The following DPH6 variants were observed in gnomAD, a reference collection of about 807,000 sequenced individuals.
DPH6 encodes diphthamine biosynthesis 6.
Under a neutral mutation model 38.2 loss-of-function variants are expected in DPH6, and 33 were observed. The ratio of observed to expected loss-of-function variants is 0.86; its 90% CI spans 0.65 to 1.15. DPH6 has a LOEUF of 1.15. DPH6 is among the 50% of genes most tolerant of loss of function. The pLI is 0.00. For missense variants in DPH6, 325 were observed against 320.0 expected, an observed-to-expected ratio of 1.02 and a Z score of -0.12; for synonymous variants, 108 against 103.0, an observed-to-expected ratio of 1.05 and a Z score of -0.30.
chr15:35,535,105 C>T (rs1030054098), intron 3 of DPH6, among the ~76,000 whole-genome samples: 1 of 152,102 alleles, frequency 6.6e-6, no homozygotes, highest in African/African-American at 2.4e-5. Flanking sequence ...TGTCACTACT[C>T]AATAGGAATT....
the DPH6 span, among the ~76,000 whole-genome samples, chr15:35,187,476 T>C: frequency 2.6e-5 from 4 of 152,336 alleles, no homozygotes; most frequent in South Asian, 8.3e-4. Context: ...TAATTGTTTA[T>C]ACGTTGGGGA....
intron 4 of DPH6, among the ~76,000 whole-genome samples, chr15:35,451,257 T>C (rs1012147905): frequency 3.9e-5 from 6 of 152,084 alleles, no homozygotes; most frequent in African/African-American, 1.4e-4. Flanking sequence ...TTTTAAGAAT[T>C]TGAATAAAAA....
At chr15:35,510,281 G>A (rs772952339) in intron 3 of DPH6, among the ~76,000 whole-genome samples, 85 of 152,096 alleles carry the variant, frequency 5.6e-4, no homozygotes, top group Non-Finnish European at 1.0e-3. Flanking sequence ...CAAATAATGG[G>A]CCAGCCTGCA....
At chr15:35,222,632 T>G (rs1462376103) in intron 3 of DPH6, among the ~76,000 whole-genome samples, 1 of 152,128 alleles carries the variant, frequency 6.6e-6, no homozygotes, top group Non-Finnish European at 1.5e-5. Flanking sequence ...ACATATGAAC[T>G]GGGGTACAGA....
At chr15:35,482,454 T>G (rs1312436404) in intron 3 of DPH6, among the ~76,000 whole-genome samples, 1 of 152,104 alleles carries the variant, frequency 6.6e-6, no homozygotes. Flanking sequence ...ACATTATAAA[T>G]TTACTATAAA....
At chr15:35,452,194 A>G (rs984704917) in intron 4 of DPH6, among the ~76,000 whole-genome samples, 4 of 152,110 alleles carry the variant, frequency 2.6e-5, no homozygotes, top group African/African-American at 9.7e-5. Flanking sequence ...ATTCTTGCCT[A>G]TTACACTAGT....
intron 3 of DPH6, among the ~76,000 whole-genome samples, chr15:35,498,558 A>G (rs7170127): frequency 0.11 from 17,348 of 152,088 alleles, 1,494 homozygotes; most frequent in African/African-American, 0.25. Flanking sequence ...CACTTCCCAG[A>G]AAGTTAAGAA....
At chr15:35,224,100 GTTTTTTTTT>G (rs142813866) in intron 3 of DPH6, among the ~76,000 whole-genome samples, 1 of 88,890 alleles carries the variant, frequency 1.1e-5, no homozygotes, top group African/African-American at 4.0e-5. Context: ...CATGATTTTA[GTTTTTTTTT>G]TTTTTTTTTT....
intron 3 of DPH6, among the ~76,000 whole-genome samples, chr15:35,314,635 ATCT>A (rs1243301533): frequency 2.6e-5 from 4 of 152,294 alleles, no homozygotes; most frequent in African/African-American, 9.6e-5. Flanking sequence ...ATTGAAGCTG[ATCT>A]TCTAACAACT....
intron 3 of DPH6, among the ~76,000 whole-genome samples, chr15:35,513,309 TA>T (rs906139815): frequency 3.3e-5 from 5 of 151,974 alleles, no homozygotes; most frequent in African/African-American, 9.6e-5. Context: ...ATTTAGACTA[TA>T]AAAAACAAGG....
At chr15:35,273,306 G>A (rs1396535867) in intron 3 of DPH6, among the ~76,000 whole-genome samples, 3 of 151,924 alleles carry the variant, frequency 2.0e-5, no homozygotes, top group South Asian at 2.1e-4. Flanking sequence ...CCCTTCTCAC[G>A]CTTTCCTGAG....
At chr15:35,460,485 G>C (rs1390546347) in intron 3 of DPH6, among the ~76,000 whole-genome samples, 1 of 152,138 alleles carries the variant, frequency 6.6e-6, no homozygotes, top group East Asian at 1.9e-4. Context: ...ACACAAGTGA[G>C]ACTATTCTGC....
At chr15:35,240,680 C>T (rs1337680879) in intron 3 of DPH6, among the ~76,000 whole-genome samples, 1 of 143,626 alleles carries the variant, frequency 7.0e-6, no homozygotes, top group African/African-American at 2.5e-5. Flanking sequence ...AGCGTTTAGG[C>T]TCTTCTTCAT....
chr15:35,354,708 T>C (rs1039237965), intron 3 of DPH6, among the ~76,000 whole-genome samples: 4 of 152,202 alleles, frequency 2.6e-5, no homozygotes, highest in African/African-American at 9.6e-5. Flanking sequence ...AATTTTTGCA[T>C]TGATGTTCAT....
intron 3 of DPH6, among the ~76,000 whole-genome samples, chr15:35,261,343 G>C (rs772652646): frequency 2.0e-5 from 3 of 152,104 alleles, no homozygotes; most frequent in African/African-American, 4.8e-5. Flanking sequence ...TAGCATTAAG[G>C]GTTTTTGTTT....
chr15:35,436,915 G>A (rs2053724059), intron 5 of DPH6, among the ~76,000 whole-genome samples: 1 of 150,142 alleles, frequency 6.7e-6, no homozygotes, highest in African/African-American at 2.5e-5. Context: ...TTTGGCTTAT[G>A]ATAAGGAGTC....
chr15:35,301,490 A>G (rs914925099), intron 3 of DPH6, among the ~76,000 whole-genome samples: 11 of 152,228 alleles, frequency 7.2e-5, no homozygotes, highest in African/African-American at 1.9e-4. Flanking sequence ...GTTGATTTAA[A>G]TACATAATTA....
intron 3 of DPH6, among the ~76,000 whole-genome samples, chr15:35,474,439 T>TA (rs145544344): frequency 2.0e-5 from 3 of 152,046 alleles, no homozygotes; most frequent in African/African-American, 7.2e-5. Flanking sequence ...TAAACTTAAA[T>TA]AAAAAACACC....
intron 3 of DPH6, among the ~76,000 whole-genome samples, chr15:35,241,271 C>T (rs572671608): frequency 1.4e-5 from 2 of 143,264 alleles, no homozygotes; most frequent in Non-Finnish European, 3.1e-5. Flanking sequence ...GCCTCGGAAG[C>T]CCCCTAGACC....
Sources: gnomAD v4.1 joint callset for allele counts (sites outside exome capture counted in the v4.1 genomes callset) on GRCh38, gnomAD v4.1.1 for gene constraint, MANE v1.5 for transcripts, NCBI Gene and HGNC (gene_info 2026-07-23, HGNC 2026-07-21) for gene names.